BEST3: variants seen among roughly 807,000 people sequenced by gnomAD.
The protein encoded by BEST3 is bestrophin-3.
BEST3 carries 50 observed loss-of-function variants against 47.1 expected under a neutral mutation model. That is an observed-to-expected ratio of 1.06 (90% confidence interval 0.85 to 1.34). The LOEUF (loss-of-function observed/expected upper bound fraction) is 1.34, where lower values mean the gene tolerates loss of function less well. BEST3 is among the 40% of genes most tolerant of loss of function. The pLI, the probability that BEST3 is intolerant of heterozygous loss-of-function variation, is 0.00. For synonymous variants in BEST3, 282 were observed against 298.8 expected, an observed-to-expected ratio of 0.94 and a Z score of 0.58; for missense variants, 765 against 817.0, an observed-to-expected ratio of 0.94 and a Z score of 0.78.
chr12:69,650,710 A>T (rs1301966310), downstream of BEST3, among the ~76,000 whole-genome samples: 2 of 152,192 alleles, frequency 1.3e-5, no homozygotes, highest in Non-Finnish European at 2.9e-5. Context: ...AAACAGAAGC[A>T]ACTACTTTTC....
chr12:69,697,753 C>CA lies in BEST3; in HGVS notation c.45dup (p.Gly16TrpfsTer4). On this transcript the variant is annotated frameshift_variant, in exon 2 of 10. Coordinates refer to ENST00000330891, the MANE Select transcript of BEST3 (RefSeq NM_032735.3). LOFTEE classifies it high-confidence loss of function. The stretch of plus-strand genomic sequence containing the variant: ...CACTTGAGGAGTAACCTATGAAATC[C>CA]AAAAAAAGTTGCATTTGCTACTTTA... The CA allele has an allele frequency of 6.2e-7, 1 of 1,611,400 alleles. No individual in the cohort carries two copies. Among genetic ancestry groups the CA allele is most frequent in the South Asian group, 1.1e-5 (1 of 90,554 alleles).
intron 9 of BEST3, among the ~76,000 whole-genome samples, chr12:69,657,838 C>G (rs1410316898): frequency 1.3e-5 from 2 of 152,218 alleles, no homozygotes; most frequent in African/African-American, 4.8e-5. Context: ...CGATTACAAC[C>G]TTGTGCTGTT....
chr12:69,684,600 C>T, intron 4 of BEST3: 1 of 675,484 alleles, frequency 1.5e-6, no homozygotes, highest in Non-Finnish European at 2.8e-6. Flanking sequence ...GGTTTCATGC[C>T]AGTTCTTTCT....
chr12:69,655,819 A>AT lies in BEST3; in HGVS notation c.1101-7_1101-6insA. ...GAAAGTCGGACCCAGACAGCCTGAA[A>AT]CACACAATGACAAGATCCAGGCAGA... On this transcript the variant is annotated splice_polypyrimidine_tract_variant and splice_region_variant and intron_variant, in intron 9 of 9. Transcript: ENST00000330891. The AT allele has an allele frequency of 6.3e-7, 1 of 1,596,800 alleles. No homozygotes were observed. The highest frequency in any genetic ancestry group is 8.6e-7 in the Non-Finnish European group (1 of 1,169,136).
downstream of BEST3, among the ~76,000 whole-genome samples, chr12:69,649,446 A>G (rs1020937029): frequency 6.6e-6 from 1 of 152,274 alleles, no homozygotes; most frequent in African/African-American, 2.4e-5. Flanking sequence ...TTGAGATATC[A>G]GATCCTCTAT....
chr12:69,684,578 G>C (rs563770506), intron 4 of BEST3: 2 of 682,172 alleles, frequency 2.9e-6, no homozygotes, highest in Admixed American at 2.0e-5. Flanking sequence ...CTCAAAACTT[G>C]AAGGCAGAAT....
downstream of BEST3, among the ~76,000 whole-genome samples, chr12:69,649,021 G>A (rs1215463441): frequency 6.6e-6 from 1 of 152,214 alleles, no homozygotes; most frequent in Admixed American, 6.5e-5. Flanking sequence ...ATTTGAGACA[G>A]ACTTGCTCTG....
At chr12:69,659,111 G>T (rs532859157) in intron 9 of BEST3, among the ~76,000 whole-genome samples, 41 of 152,270 alleles carry the variant, frequency 2.7e-4, no homozygotes, top group South Asian at 1.0e-3. Context: ...CAGTGCTCTG[G>T]GGGGCAGTTT....
downstream of BEST3, among the ~76,000 whole-genome samples, chr12:69,648,991 G>T (rs1049973227): frequency 2.0e-5 from 3 of 152,034 alleles, no homozygotes; most frequent in Admixed American, 1.3e-4. Context: ...CAATAATATT[G>T]GTAAGAATTT....
chr12:69,655,026 T>A lies in BEST3; in HGVS notation c.1888A>T (p.Ile630Phe), dbSNP rs948542223. 2 of 1,614,148 alleles carry A rather than the reference T, an allele frequency of 1.2e-6. No homozygotes were observed. Among genetic ancestry groups the A allele is most frequent in the Non-Finnish European group, 1.7e-6 (2 of 1,180,024 alleles). Residue 630 changes from isoleucine (I) to phenylalanine (F), a missense_variant, in exon 10 of 10, where the codon ATC becomes TTC. Ile to Phe is a conservative substitution (Grantham distance 21, BLOSUM62 0). Coordinates refer to ENST00000330891, the MANE Select transcript of BEST3 (RefSeq NM_032735.3). ...ACTCGAGAGCCAGCCACAATGTTGATCCCACTGATCTCTGAGGATGTTTCT... is the reference window on the plus strand; with the variant it reads ...ACTCGAGAGCCAGCCACAATGTTGAACCCACTGATCTCTGAGGATGTTTCT... Reference protein sequence around the residue: ...DTETSSEISGINIVAGSRVSS... With the variant: ...DTETSSEISGFNIVAGSRVSS...
chr12:69,646,369 G>A (rs1390471932), intron 9 of BEST3, among the ~76,000 whole-genome samples: 1 of 152,116 alleles, frequency 6.6e-6, no homozygotes, highest in African/African-American at 2.4e-5. Flanking sequence ...AGATTTTCAG[G>A]TCTACTAACT....
chr12:69,691,896 A>G (rs745306826), intron 4 of BEST3, among the ~76,000 whole-genome samples: 4 of 152,216 alleles, frequency 2.6e-5, no homozygotes, highest in Non-Finnish European at 4.4e-5. Flanking sequence ...GACTAATTTT[A>G]CCCACCTCCA....
chr12:69,665,294 C>T (rs1394082404), intron 9 of BEST3, among the ~76,000 whole-genome samples: 18 of 152,102 alleles, frequency 1.2e-4, no homozygotes, highest in Admixed American at 1.1e-3. Flanking sequence ...TCTGTCCAAA[C>T]AAGGCCAGGG....
chr12:69,654,040 G>T lies in BEST3; in HGVS notation c.*867C>A. The T allele has an allele frequency of 5.1e-6, 5 of 985,416 alleles. No individual in the cohort carries two copies. The highest frequency in any genetic ancestry group is 6.0e-6 in the Non-Finnish European group (5 of 829,928). 61.0% of individuals were successfully genotyped at this position (985,416 alleles called of 1,614,324 possible). The stretch of plus-strand genomic sequence containing the variant: ...AAATGTCAATGGCTGCAAGGGCACG[G>T]GGGGAACCATCACTCCTATATGCCT... On this transcript the variant is annotated 3_prime_UTR_variant, in exon 10 of 10. Coordinates refer to ENST00000330891, the MANE Select transcript of BEST3 (RefSeq NM_032735.3).
At chr12:69,684,938 C>G (rs1246052059) in intron 4 of BEST3, among the ~76,000 whole-genome samples, 1 of 152,058 alleles carries the variant, frequency 6.6e-6, no homozygotes, top group Admixed American at 6.6e-5. Flanking sequence ...ATATGTTGTT[C>G]ACAAAACAGT....
At chr12:69,670,354 C>T in intron 9 of BEST3, 1 of 665,268 alleles carries the variant, frequency 1.5e-6, no homozygotes, top group Non-Finnish European at 2.7e-6. Context: ...GAGTAGGCAA[C>T]CTTCTCTAAG....
chr12:69,659,599 T>C (rs769167430), intron 9 of BEST3, among the ~76,000 whole-genome samples: 10 of 152,188 alleles, frequency 6.6e-5, no homozygotes, highest in Non-Finnish European at 1.3e-4. Flanking sequence ...GTGGTCCTCC[T>C]GTCTTGGCTT....
In BEST3 at chr12:69,688,644, T is replaced by C. The variant is rs562511193; in HGVS notation, c.481+5030A>G. ...GCCAGCCAAGAAATTGCCAGATGCTTCAGAAGGAGGTGCTGGTCCTCACTC... is the reference window on the plus strand; with the variant it reads ...GCCAGCCAAGAAATTGCCAGATGCTCCAGAAGGAGGTGCTGGTCCTCACTC... On this transcript the variant is annotated intron_variant, in intron 4 of 9. Transcript: ENST00000330891. Among the ~76,000 whole-genome samples, 29 of 152,300 alleles carry C rather than the reference T, an allele frequency of 1.9e-4. 1 individual carries two copies. Among genetic ancestry groups the C allele is most frequent in the African/African-American group, 6.5e-4 (27 of 41,552 alleles).
intron 7 of BEST3, among the ~76,000 whole-genome samples, chr12:69,673,331 A>G (rs922160309): frequency 6.6e-6 from 1 of 152,262 alleles, no homozygotes; most frequent in African/African-American, 2.4e-5. Flanking sequence ...TCAGGGAATT[A>G]CAGGGCCCAG....
Sources: gnomAD v4.1 joint callset for allele counts (sites outside exome capture counted in the v4.1 genomes callset) on GRCh38, gnomAD v4.1.1 for gene constraint, MANE v1.5 for transcripts, NCBI Gene and HGNC (gene_info 2026-07-23, HGNC 2026-07-21) for gene names.